Variants in TENM3 observed in about 807,000 individuals in gnomAD.
TENM3 encodes the protein teneurin-3.
Under a neutral mutation model 255.1 loss-of-function variants are expected in TENM3, and 63 were observed. The ratio of observed to expected loss-of-function variants is 0.25; its 90% CI spans 0.20 to 0.30. The LOEUF (loss-of-function observed/expected upper bound fraction) is 0.30, where lower values mean the gene tolerates loss of function less well. Ranked by LOEUF, TENM3 falls within the 10% of genes least tolerant of loss-of-function variation. The pLI is 1.00. For synonymous variants in TENM3, 1,306 were observed against 1,322.3 expected (o/e 0.99, Z 0.27); for missense variants, 2,929 against 3,461.1 (o/e 0.85, Z 3.86).
chr4:182,753,337 T>C (rs1403656850), intron 20 of TENM3, 113 bp from the exon 21 acceptor site: 5 of 818,490 alleles, frequency 6.1e-6, no homozygotes, highest in East Asian at 2.5e-5. Context: ...ACCTGCTACC[T>C]GTCACCCGTG....
At chr4:182,423,766 C>T (rs534665448) in intron 3 of TENM3, among the ~76,000 whole-genome samples, 14 of 152,160 alleles carry the variant, frequency 9.2e-5, no homozygotes, top group Middle Eastern at 3.4e-3. Flanking sequence ...ATAAGCCATA[C>T]TGTAAGATTT....
intron 1 of TENM3, among the ~76,000 whole-genome samples, chr4:182,169,725 G>A (rs940593540): frequency 6.6e-6 from 1 of 151,886 alleles, no homozygotes; most frequent in African/African-American, 2.4e-5. Flanking sequence ...CTCTCCTGTG[G>A]GGGTTAAGAA....
intron 1 of TENM3, among the ~76,000 whole-genome samples, chr4:182,288,118 T>A (rs542641385): frequency 1.3e-5 from 2 of 152,102 alleles, no homozygotes; most frequent in East Asian, 3.9e-4. Flanking sequence ...GTATTTATAG[T>A]AGAGACGAGA....
the TENM3 span, among the ~76,000 whole-genome samples, chr4:181,830,884 T>C: frequency 5.9e-5 from 9 of 152,198 alleles, no homozygotes; most frequent in Non-Finnish European, 1.0e-4. Context: ...AAGTTTTTAC[T>C]ATTTTCAGTT....
At chr4:181,792,418 G>T in the TENM3 span, among the ~76,000 whole-genome samples, 45 of 152,182 alleles carry the variant, frequency 3.0e-4, no homozygotes, top group African/African-American at 1.1e-3. Flanking sequence ...CATGAATTAC[G>T]CTTAACTCAA....
the TENM3 span, among the ~76,000 whole-genome samples, chr4:182,037,919 ACT>A: frequency 6.6e-6 from 1 of 151,908 alleles, no homozygotes; most frequent in Non-Finnish European, 1.5e-5. Flanking sequence ...GCAGCCTCAA[ACT>A]CTTAGGCTCA....
the TENM3 span, among the ~76,000 whole-genome samples, chr4:181,940,980 G>A: frequency 5.3e-5 from 8 of 152,144 alleles, no homozygotes; most frequent in South Asian, 2.1e-4. Context: ...ATTGAATACC[G>A]GGTGTGAGAA....
chr4:181,963,514 G>A, the TENM3 span, among the ~76,000 whole-genome samples: 39 of 152,180 alleles, frequency 2.6e-4, no homozygotes, highest in Non-Finnish European at 4.4e-5. Context: ...AAGGGATATA[G>A]ATACTGCAGG....
At chr4:181,641,930 A>G in the TENM3 span, among the ~76,000 whole-genome samples, 151 of 148,514 alleles carry the variant, frequency 1.0e-3, no homozygotes, top group African/African-American at 3.2e-3. Context: ...TGCAATAAAC[A>G]TATGTGTTCA....
the TENM3 span, among the ~76,000 whole-genome samples, chr4:181,849,984 CACAG>C: frequency 5.5e-4 from 83 of 149,608 alleles, 1 homozygote; most frequent in African/African-American, 6.1e-4. Context: ...CACACACACA[CACAG>C]AGTCTTCCTC....
chr4:181,897,375 A>G, the TENM3 span, among the ~76,000 whole-genome samples: 5 of 152,320 alleles, frequency 3.3e-5, no homozygotes, highest in Admixed American at 1.3e-4. Flanking sequence ...ATGTGTTATT[A>G]GTCAAAAGAA....
intron 1 of TENM3, among the ~76,000 whole-genome samples, chr4:182,302,166 T>C (rs1343579824): frequency 6.6e-6 from 1 of 152,208 alleles, no homozygotes; most frequent in African/African-American, 2.4e-5. Context: ...GGAGCTTTCT[T>C]TGAATTTGCC....
At chr4:182,315,509 T>G (rs1005116080) in intron 1 of TENM3, among the ~76,000 whole-genome samples, 11 of 152,192 alleles carry the variant, frequency 7.2e-5, no homozygotes, top group Admixed American at 2.6e-4. Context: ...GTGTCTGCCT[T>G]TAAGATTTTC....
chr4:181,656,088 G>T, the TENM3 span, among the ~76,000 whole-genome samples: 1 of 152,178 alleles, frequency 6.6e-6, no homozygotes, highest in Non-Finnish European at 1.5e-5. Context: ...AAAGATGCAA[G>T]AAGGAGACCA....
chr4:181,491,119 GAAAA>G, the TENM3 span, among the ~76,000 whole-genome samples: 1 of 148,812 alleles, frequency 6.7e-6, no homozygotes, highest in Admixed American at 6.7e-5. Flanking sequence ...TGGTCTACCT[GAAAA>G]AAAAAGCTTT....
the TENM3 span, among the ~76,000 whole-genome samples, chr4:181,916,791 C>T: frequency 3.3e-5 from 5 of 152,120 alleles, no homozygotes; most frequent in South Asian, 4.1e-4. Flanking sequence ...ACAGGAGAAT[C>T]GTTTGAACCT....
intron 1 of TENM3, among the ~76,000 whole-genome samples, chr4:182,188,664 A>G (rs1430347375): frequency 6.6e-6 from 1 of 152,226 alleles, no homozygotes; most frequent in Admixed American, 6.5e-5. Context: ...GCAAAAAGTG[A>G]AAGATCATGA....
chr4:182,487,214 A>G, intron 3 of TENM3, among the ~76,000 whole-genome samples: 1 of 152,182 alleles, frequency 6.6e-6, no homozygotes, highest in East Asian at 1.9e-4. Context: ...CTAGTGTTGT[A>G]ATATAGTTTT....
chr4:182,122,590 T>C, the TENM3 span, among the ~76,000 whole-genome samples: 6 of 152,326 alleles, frequency 3.9e-5, no homozygotes, highest in Non-Finnish European at 5.9e-5. Flanking sequence ...ACGGTGGTCT[T>C]AAAATTTCCA....
Sources: allele counts gnomAD v4.1 joint callset (sites outside exome capture counted in the v4.1 genomes callset), GRCh38; gene constraint gnomAD v4.1.1; transcripts MANE v1.5; gene names NCBI Gene and HGNC (gene_info 2026-07-23, HGNC 2026-07-21).